The following BLOC1S3 variants were observed in gnomAD, a reference collection of about 807,000 sequenced individuals.
The protein encoded by BLOC1S3 is biogenesis of lysosome-related organelles complex 1 subunit 3.
In BLOC1S3, 7 loss-of-function variants were observed where a neutral mutation model predicts 9.1. The ratio of observed to expected loss-of-function variants is 0.77; its 90% CI spans 0.44 to 1.45. The LOEUF (loss-of-function observed/expected upper bound fraction) is 1.45, where lower values mean the gene tolerates loss of function less well. Among genes scored for constraint, BLOC1S3 ranks in the 40% most tolerant of loss-of-function variants. The probability of loss-of-function intolerance (pLI) is 0.01; values close to 1 mark genes in which losing one functional copy is unlikely to be tolerated. For missense variants in BLOC1S3, 307 were observed against 315.2 expected, an observed-to-expected ratio of 0.97 and a Z score of 0.20; for synonymous variants, 145 against 158.4, an observed-to-expected ratio of 0.92 and a Z score of 0.64.
Position 45,179,852 on chromosome 19 carries a change from A to G in BLOC1S3, c.556A>G (p.Ile186Val), listed in dbSNP as rs1249788066. The stretch of plus-strand genomic sequence containing the variant: ...GGCTGGCTGCCGCCTGCTGCCGGAC[A>G]TCCGCGGCGTGCCAGGGACCGAGCC... Reference protein sequence around the residue: ...IVAGCRLLPDIRGVPGTEPEK... With the variant: ...IVAGCRLLPDVRGVPGTEPEK... Residue 186 changes from isoleucine to valine, a missense_variant, in exon 2 of 2, where the codon ATC becomes GTC. By Grantham distance (29) the Ile-to-Val change is conservative (BLOSUM62 3). Coordinates refer to ENST00000433642, the MANE Select transcript of BLOC1S3 (RefSeq NM_212550.5). This position sits in a 1 kb window ranked among gnomAD's most constrained non-coding sequence, Gnocchi z 4.6. The G allele has an allele frequency of 1.2e-6, 2 of 1,609,320 alleles. No homozygotes were observed. Among genetic ancestry groups the G allele is most frequent in the African/African-American group, 2.7e-5 (2 of 74,254 alleles).
At chr19:45,211,831 A>C (rs1355563156) in intron 3 of BLOC1S3, among the ~76,000 whole-genome samples, 1 of 151,596 alleles carries the variant, frequency 6.6e-6, no homozygotes, top group African/African-American at 2.4e-5. Context: ...CACACAAAAA[A>C]TCCCACAAGT....
chr19:45,183,571 A>G (rs1012301571), downstream of BLOC1S3, among the ~76,000 whole-genome samples: 4 of 150,180 alleles, frequency 2.7e-5, no homozygotes, highest in African/African-American at 9.8e-5. Context: ...AGTGGATCAC[A>G]ATTCAAAGAG....
At chr19:45,202,950 T>G (rs1337216475) in intron 3 of BLOC1S3, among the ~76,000 whole-genome samples, 2 of 151,894 alleles carry the variant, frequency 1.3e-5, no homozygotes, top group African/African-American at 2.4e-5. Context: ...CATCCAGGAG[T>G]TAGGGCCTGG....
At chr19:45,192,860 G>A (rs11672867) in intron 2 of BLOC1S3, among the ~76,000 whole-genome samples, 12 of 151,586 alleles carry the variant, frequency 7.9e-5, no homozygotes, top group African/African-American at 2.4e-4. Flanking sequence ...CAAGCCAGGC[G>A]TGGTGGCTCA....
intron 3 of BLOC1S3, among the ~76,000 whole-genome samples, chr19:45,214,146 A>T (rs1178499034): frequency 1.3e-5 from 2 of 152,094 alleles, no homozygotes; most frequent in Non-Finnish European, 2.9e-5. Context: ...GAATACTGGG[A>T]CTTCTTGGGA....
intron 3 of BLOC1S3, chr19:45,212,839 A>G (rs919155376): frequency 2.6e-5 from 12 of 462,488 alleles, no homozygotes; most frequent in African/African-American, 2.3e-4. Flanking sequence ...GGCTCAAGCA[A>G]TCCTCCGGCC....
chr19:45,193,054 C>T (rs769749280), intron 2 of BLOC1S3, among the ~76,000 whole-genome samples: 12 of 142,256 alleles, frequency 8.4e-5, no homozygotes, highest in Non-Finnish European at 1.4e-4. Flanking sequence ...AATACTTGAA[C>T]CCAGGAGGCG....
In BLOC1S3 at chr19:45,179,569, G is replaced by A; in HGVS notation, c.273G>A (p.Glu91=). 1 of 1,506,032 alleles carries A rather than the reference G, an allele frequency of 6.6e-7. No homozygotes were observed. The highest frequency in any genetic ancestry group is 1.2e-5 in the South Asian group (1 of 80,988). The allele number at this position is 1,506,032 out of a possible 1,614,324, so 93.3% of individuals were successfully genotyped here. A position where few individuals can be genotyped will look rare whatever the true frequency, so the allele number is the denominator to read the frequency against. Residue 91 remains glutamate, a synonymous_variant, in exon 2 of 2, where the codon GAG becomes GAA. Transcript: ENST00000433642. This position sits in a 1 kb window ranked among gnomAD's most constrained non-coding sequence, Gnocchi z 4.6. ...PPLVVQRESA[E]EAWGTEEAPA... The stretch of plus-strand genomic sequence containing the variant: ...TCGTGGTGCAGCGGGAATCGGCGGA[G>A]GAGGCCTGGGGCACGGAGGAGGCCC...
At position 45,179,608 on chromosome 19, in the gene BLOC1S3, CG is replaced by C; in HGVS notation, c.313del (p.Ala105ArgfsTer24). The C allele has an allele frequency of 6.8e-7, 1 of 1,472,992 alleles. No homozygotes were observed. Among genetic ancestry groups the C allele is most frequent in the South Asian group, 1.3e-5 (1 of 77,412 alleles). The allele number at this position is 1,472,992 out of a possible 1,614,324, so 91.2% of individuals were successfully genotyped here. A position where few individuals can be genotyped will look rare whatever the true frequency, so the allele number is the denominator to read the frequency against. On this transcript the variant is annotated frameshift_variant, in exon 2 of 2. Transcript: ENST00000433642. LOFTEE classifies it high-confidence loss of function. The surrounding 1 kb of genome is among the most constrained non-coding windows in gnomAD (Gnocchi z 4.6). The stretch of plus-strand genomic sequence containing the variant: ...CGGAGGAGGCCCCGGCGCCCGCCCC[CG>C]CGCGCTCGCTCCTGCAACTTCGGCT... ...GTEEAPAPAPARSLLQLRLAE... is the reference protein window; with the variant it reads ...GTEEAPAPAPXRSLLQLRLAE...
chr19:45,206,768 T>A (rs1235411958), intron 3 of BLOC1S3, among the ~76,000 whole-genome samples: 3 of 151,844 alleles, frequency 2.0e-5, no homozygotes, highest in Non-Finnish European at 4.4e-5. Context: ...GCTGGATTAA[T>A]CAAGTAATTT....
chr19:45,180,212 G>C lies in BLOC1S3; in HGVS notation c.*307G>C, dbSNP rs189672488. ...TTGTTACATAGTTGCTCCTTAATCT[G>C]TTTCCACCCTGGGGGCTCACCAATT... On this transcript the variant is annotated 3_prime_UTR_variant, in exon 2 of 2. Transcript: ENST00000433642. The C allele has an allele frequency of 2.1e-3, 573 of 267,516 alleles. 1 individual carries two copies. The highest frequency in any genetic ancestry group is 6.0e-3 in the South Asian group (42 of 7,022). The allele number at this position is 267,516 out of a possible 1,614,324, so 16.6% of individuals were successfully genotyped here.
At chr19:45,184,245 G>A (rs752029062), downstream of BLOC1S3, among the ~76,000 whole-genome samples, 3 of 152,160 alleles carry the variant, frequency 2.0e-5, no homozygotes, top group African/African-American at 4.8e-5. Flanking sequence ...GAGGGTACAA[G>A]AGGGTGTGGA....
intron 3 of BLOC1S3, among the ~76,000 whole-genome samples, chr19:45,206,450 G>GTGTTTTTTTTTTTTTTTTT (rs1969726344): frequency 9.1e-5 from 5 of 55,152 alleles, no homozygotes; most frequent in African/African-American, 4.7e-4. Context: ...GATTAATCAA[G>GTGTTTTTTTTTTTTTTTTT]TTTTTTTTTT....
chr19:45,194,723 G>C (rs780023672), intron 2 of BLOC1S3, among the ~76,000 whole-genome samples: 3 of 152,108 alleles, frequency 2.0e-5, no homozygotes, highest in Non-Finnish European at 4.4e-5. Context: ...CATACCGTAT[G>C]ATTCCACTTA....
chr19:45,192,039 G>A (rs1185101755), intron 2 of BLOC1S3, among the ~76,000 whole-genome samples: 2 of 152,214 alleles, frequency 1.3e-5, no homozygotes, highest in Non-Finnish European at 2.9e-5. Flanking sequence ...TCACAGGTGC[G>A]CCCAGAGATG....
chr19:45,195,818 C>A (rs531388354), intron 2 of BLOC1S3, among the ~76,000 whole-genome samples: 4 of 152,286 alleles, frequency 2.6e-5, no homozygotes, highest in South Asian at 4.1e-4. Context: ...TGGTCTCGAC[C>A]TCCCAACTTC....
In BLOC1S3 at chr19:45,179,669, G is replaced by A; in HGVS notation, c.373G>A (p.Ala125Thr). 2 of 1,466,838 alleles carry A rather than the reference G, an allele frequency of 1.4e-6. No homozygotes were observed. The highest frequency in any genetic ancestry group is 9.0e-7 in the Non-Finnish European group (1 of 1,114,952). The allele number at this position is 1,466,838 out of a possible 1,614,324, so 90.9% of individuals were successfully genotyped here. A position where few individuals can be genotyped will look rare whatever the true frequency, so the allele number is the denominator to read the frequency against. Residue 125 changes from alanine to threonine, a missense_variant, in exon 2 of 2, where the codon GCG (alanine) becomes ACG (threonine). Ala to Thr is a moderately conservative substitution (Grantham distance 58, BLOSUM62 0). Transcript: ENST00000433642. This position sits in a 1 kb window ranked among gnomAD's most constrained non-coding sequence, Gnocchi z 4.6. The part of the protein sequence containing the change: ...ESQARLDHDV[A>T]AAVSGVYRRA... ...CCAGGCGCGGCTGGACCACGACGTG[G>A]CGGCCGCCGTGAGCGGTGTCTACCG...
intron 2 of BLOC1S3, among the ~76,000 whole-genome samples, chr19:45,187,897 A>G (rs544860231): frequency 1.3e-5 from 2 of 151,966 alleles, no homozygotes; most frequent in East Asian, 3.9e-4. Context: ...TTGTGGGTAC[A>G]TAGTAGATGT....
At chr19:45,203,364 C>T (rs997420759) in intron 3 of BLOC1S3, among the ~76,000 whole-genome samples, 4 of 152,174 alleles carry the variant, frequency 2.6e-5, no homozygotes, top group African/African-American at 4.8e-5. Flanking sequence ...ATCTCTGCCT[C>T]TTGGGTTCAA....
Sources: allele counts gnomAD v4.1 joint callset (sites outside exome capture counted in the v4.1 genomes callset), GRCh38; gene constraint gnomAD v4.1.1; non-coding constraint Gnocchi (gnomAD v3.1); transcripts MANE v1.5; gene names NCBI Gene and HGNC (gene_info 2026-07-23, HGNC 2026-07-21).